MACROD2: variants seen among roughly 807,000 people sequenced by gnomAD.
MACROD2 encodes the protein mono-ADP ribosylhydrolase 2.
In MACROD2, 36 loss-of-function variants were observed where a neutral mutation model predicts 70.4. The ratio of observed to expected loss-of-function variants is 0.51; its 90% CI spans 0.39 to 0.68. MACROD2 has a LOEUF of 0.68. Among genes scored for constraint, MACROD2 ranks in the 30% least tolerant of loss-of-function variants. The probability of loss-of-function intolerance (pLI) is 0.00; values close to 1 mark genes in which losing one functional copy is unlikely to be tolerated. For missense variants in MACROD2, 496 were observed against 538.4 expected, an observed-to-expected ratio of 0.92 and a Z score of 0.78; for synonymous variants, 172 against 178.8, an observed-to-expected ratio of 0.96 and a Z score of 0.30.
At position 14,648,621 on chromosome 20, in the gene MACROD2, C is replaced by CATATATATATATATAT. The variant is rs753035871; in HGVS notation, c.302-36221_302-36206dup. On this transcript the variant is annotated intron_variant, in intron 4 of 17. Transcript: ENST00000684519. ...TTTGCCTCTTCTTTGTTTATTTAAACATATATATATATATATCTATCTATC... is the reference window on the plus strand; with the variant it reads ...TTTGCCTCTTCTTTGTTTATTTAAACATATATATATATATATATATATATATATATATCTATCTATC... 3.3e-3 allele frequency among the ~76,000 whole-genome samples: 495 copies of CATATATATATATATAT among 148,608 alleles called. 1 individual carries two copies. The highest frequency in any genetic ancestry group is 7.8e-3 in the African/African-American group (311 of 40,020).
chr20:14,470,317 C>T (rs2084513055), intron 3 of MACROD2, among the ~76,000 whole-genome samples: 1 of 152,102 alleles, frequency 6.6e-6, no homozygotes, highest in Non-Finnish European at 1.5e-5. Flanking sequence ...TTCAGAGGGG[C>T]ATCTGCCAGA....
chr20:15,020,259 AT>A lies in MACROD2; in HGVS notation c.419-209680del, dbSNP rs201461662. On this transcript the variant is annotated intron_variant, in intron 5 of 17. Transcript: ENST00000684519. ...GAAAGGTCATCTTAAGGAAGGACTT[AT>A]CAAAATTTTTTCCTGGGATACTTCT... is the stretch of plus-strand genomic sequence containing the variant. Among the ~76,000 whole-genome samples the A allele has an allele frequency of 1.3e-4, 20 of 152,302 alleles. No individual in the cohort carries two copies. In the East Asian group the frequency reaches 3.9e-3, roughly 29 times the overall value.
chr20:14,487,941 A>G (rs1053709078), intron 3 of MACROD2, among the ~76,000 whole-genome samples: 5 of 152,222 alleles, frequency 3.3e-5, no homozygotes, highest in Non-Finnish European at 7.3e-5. Context: ...TGAGGATACT[A>G]TAATATTATA....
intron 2 of MACROD2, among the ~76,000 whole-genome samples, chr20:14,050,508 G>A (rs542628204): frequency 5.9e-5 from 9 of 152,098 alleles, no homozygotes; most frequent in Admixed American, 2.0e-4. Flanking sequence ...ACGGACAGAC[G>A]TGTAGATCTA....
chr20:16,036,340 T>C (rs1473679745), intron 15 of MACROD2, among the ~76,000 whole-genome samples: 1 of 151,946 alleles, frequency 6.6e-6, no homozygotes, highest in Non-Finnish European at 1.5e-5. Context: ...CTACATTCTG[T>C]GTGCATCTCA....
At chr20:15,555,848 A>AG (rs2048161661) in intron 8 of MACROD2, among the ~76,000 whole-genome samples, 1 of 147,026 alleles carries the variant, frequency 6.8e-6, no homozygotes, top group African/African-American at 2.6e-5. Flanking sequence ...AAAAAAAAAA[A>AG]AAAAAAGGAA....
At chr20:15,678,458 C>T (rs1056530402) in intron 8 of MACROD2, among the ~76,000 whole-genome samples, 1 of 151,734 alleles carries the variant, frequency 6.6e-6, no homozygotes, top group African/African-American at 2.4e-5. Flanking sequence ...CTCCCGGGTT[C>T]ACGCCATTCT....
chr20:14,902,730 C>T (rs527347274), intron 5 of MACROD2, among the ~76,000 whole-genome samples: 4 of 152,132 alleles, frequency 2.6e-5, no homozygotes, highest in Admixed American at 6.5e-5. Context: ...CTCTAGGGAA[C>T]ATGTAGTCTA....
intron 6 of MACROD2, among the ~76,000 whole-genome samples, chr20:15,420,955 G>T (rs1600387541): frequency 6.6e-6 from 1 of 152,228 alleles, no homozygotes; most frequent in Admixed American, 6.5e-5. Context: ...AGGCATAGTG[G>T]TGCGTGCCTA....
At chr20:15,032,914 G>A (rs1214817654) in intron 5 of MACROD2, among the ~76,000 whole-genome samples, 1 of 152,222 alleles carries the variant, frequency 6.6e-6, no homozygotes. Flanking sequence ...ATGGAATTCT[G>A]TTATATGCCA....
At chr20:14,356,900 A>T (rs117078083) in intron 3 of MACROD2, among the ~76,000 whole-genome samples, 1,972 of 152,172 alleles carry the variant, frequency 0.013, 18 homozygotes, top group Middle Eastern at 0.034. Context: ...GGGGGTCTCT[A>T]TTTTCTCCAA....
At chr20:14,834,184 A>AT (rs1168446810) in intron 5 of MACROD2, among the ~76,000 whole-genome samples, 2 of 151,666 alleles carry the variant, frequency 1.3e-5, no homozygotes, top group African/African-American at 4.8e-5. Context: ...AAAGGCCAAA[A>AT]TTTGCATTTA....
At chr20:14,520,855 T>C (rs1600334384) in intron 4 of MACROD2, among the ~76,000 whole-genome samples, 2 of 152,144 alleles carry the variant, frequency 1.3e-5, no homozygotes, top group Non-Finnish European at 2.9e-5. Context: ...ACCTCCTCCC[T>C]GAGAAGCTTC....
intron 8 of MACROD2, among the ~76,000 whole-genome samples, chr20:15,587,724 G>T (rs2048622129): frequency 6.6e-6 from 1 of 152,176 alleles, no homozygotes; most frequent in Non-Finnish European, 1.5e-5. Flanking sequence ...GCTCCAAAAT[G>T]ATATCCTTTG....
rs2082248593 is a variant in MACROD2 at position 14,275,792 on chromosome 20, A to C, written c.271+190064A>C. On this transcript the variant is annotated intron_variant, in intron 3 of 17. Coordinates refer to ENST00000684519, the MANE Select transcript of MACROD2 (RefSeq NM_001351661.2). ...ACTCAAACAAATTTACAAGAAAAAA[A>C]CAACCCCATCAACAAGTGGGCGAAG... 2.0e-5 allele frequency among the ~76,000 whole-genome samples: 3 copies of C among 149,286 alleles called. No individual in the cohort carries two copies. In the Admixed American group the frequency reaches 2.0e-4, roughly 10 times the overall value.
chr20:14,147,734 G>A (rs1397736725), intron 3 of MACROD2, among the ~76,000 whole-genome samples: 1 of 152,154 alleles, frequency 6.6e-6, no homozygotes, highest in Non-Finnish European at 1.5e-5. Context: ...CCATGCTCGA[G>A]ACTTCCATTT....
chr20:14,588,555 G>A (rs56285261), intron 4 of MACROD2, among the ~76,000 whole-genome samples: 39,775 of 151,984 alleles, frequency 0.26, 5,550 homozygotes, highest in African/African-American at 0.31. Context: ...TGATGTGGCT[G>A]GAGTGCAGTG....
chr20:14,867,152 T>C (rs1030933866), intron 5 of MACROD2, among the ~76,000 whole-genome samples: 1 of 152,280 alleles, frequency 6.6e-6, no homozygotes, highest in African/African-American at 2.4e-5. Context: ...AAGTAAATAC[T>C]GAGTTCCTGG....
chr20:14,956,359 G>C (rs542880651), intron 5 of MACROD2, among the ~76,000 whole-genome samples: 1 of 152,180 alleles, frequency 6.6e-6, no homozygotes, highest in East Asian at 1.9e-4. Context: ...TTTGGATATG[G>C]GATAGTAAAA....
Sources: allele counts gnomAD v4.1 joint callset (sites outside exome capture counted in the v4.1 genomes callset), GRCh38; gene constraint gnomAD v4.1.1; transcripts MANE v1.5; gene names NCBI Gene and HGNC (gene_info 2026-07-23, HGNC 2026-07-21).